DIXDC1: variants seen among roughly 807,000 people sequenced by gnomAD.
The protein encoded by DIXDC1 is dixin.
A neutral mutation model predicts 103.1 loss-of-function variants in DIXDC1; 64 were observed. That is an observed-to-expected ratio of 0.62 (90% CI 0.51 to 0.76). The LOEUF is 0.76. Ranked by LOEUF, DIXDC1 falls within the 30% of genes least tolerant of loss-of-function variation. The pLI is 0.00. For synonymous variants in DIXDC1, 266 were observed against 298.5 expected (o/e 0.89, Z 1.12); for missense variants, 759 against 834.2 (o/e 0.91, Z 1.11).
chr11:111,966,914 C>T (rs1859759011), intron 2 of DIXDC1, among the ~76,000 whole-genome samples: 1 of 152,204 alleles, frequency 6.6e-6, no homozygotes, highest in East Asian at 1.9e-4. Context: ...TTATCAAATC[C>T]AGTGGCCAGG....
intron 6 of DIXDC1, among the ~76,000 whole-genome samples, chr11:111,981,068 G>A (rs1555173199): frequency 6.6e-6 from 1 of 150,390 alleles, no homozygotes; most frequent in Non-Finnish European, 1.5e-5. Context: ...TCTTGCAGCA[G>A]CATAGATAGG....
chr11:111,977,612 C>T lies in DIXDC1; in HGVS notation c.656+2629C>T. On this transcript the variant is annotated intron_variant, in intron 5 of 19. Coordinates refer to ENST00000440460, the MANE Select transcript of DIXDC1 (RefSeq NM_001037954.4). The surrounding 1 kb of genome is among the most constrained non-coding windows in gnomAD (Gnocchi z 6.1). ...CGCCGCCGCCGTTCCCGCTTTCTCC[C>T]GCGAGCCGGGCCAGTAGCTTTGCTA... The T allele has an allele frequency of 6.6e-7, 1 of 1,521,224 alleles. No individual in the cohort carries two copies. The highest frequency in any genetic ancestry group is 8.8e-7 in the Non-Finnish European group (1 of 1,134,174). 94.2% of individuals were successfully genotyped at this position (1,521,224 alleles called of 1,614,324 possible). A position where few individuals can be genotyped will look rare whatever the true frequency, so the allele number is the denominator to read the frequency against.
At chr11:111,948,155 C>T (rs587696652) in intron 1 of DIXDC1, among the ~76,000 whole-genome samples, 8 of 152,246 alleles carry the variant, frequency 5.3e-5, no homozygotes, top group Admixed American at 5.2e-4. Context: ...ATGATTGTCC[C>T]CCTCCATGCC....
At chr11:111,939,889 A>G (rs1555168634) in intron 1 of DIXDC1, among the ~76,000 whole-genome samples, 1 of 152,206 alleles carries the variant, frequency 6.6e-6, no homozygotes, top group Non-Finnish European at 1.5e-5. Context: ...GTGTCAGAAT[A>G]CGCTTTAATT....
Position 111,992,539 on chromosome 11 carries a change from C to T in DIXDC1, c.1218+20C>T, listed in dbSNP as rs1555174670. ...CAGAATGTGAGTTAAATGAATGAGC[C>T]TTGACCTCAGTGAGCCCCATTAGCA... On this transcript the variant is annotated intron_variant, in intron 11 of 19. Coordinates refer to ENST00000440460, the MANE Select transcript of DIXDC1 (RefSeq NM_001037954.4). The T allele has an allele frequency of 1.9e-6, 3 of 1,550,194 alleles. No individual in the cohort carries two copies. Among genetic ancestry groups the T allele is most frequent in the East Asian group, 4.9e-5 (2 of 41,180 alleles).
intron 1 of DIXDC1, among the ~76,000 whole-genome samples, chr11:111,953,471 T>C (rs1966850025): frequency 6.6e-6 from 1 of 152,126 alleles, no homozygotes; most frequent in Admixed American, 6.6e-5. Flanking sequence ...ACCCCGTCTC[T>C]ACTAAAAATA....
upstream of DIXDC1, among the ~76,000 whole-genome samples, chr11:111,936,216 C>T (rs980553773): frequency 2.6e-5 from 4 of 152,228 alleles, no homozygotes; most frequent in African/African-American, 9.7e-5. Flanking sequence ...TCTGTAAACC[C>T]TTCCTCTCCA....
At chr11:112,015,274 A>G (rs1371231975) in intron 17 of DIXDC1, 1 of 152,228 alleles carries the variant, frequency 6.6e-6, no homozygotes, top group Non-Finnish European at 1.5e-5. Flanking sequence ...TTTCCCCTCT[A>G]TTAATTCATC....
At position 111,977,426 on chromosome 11, in the gene DIXDC1, C is replaced by G; in HGVS notation, c.656+2443C>G. 7 of 1,200,760 alleles carry G rather than the reference C, an allele frequency of 5.8e-6. No individual in the cohort carries two copies. The South Asian group carries it at 1.4e-4, about 24-fold the overall frequency. The allele number at this position is 1,200,760 out of a possible 1,614,324, so 74.4% of individuals were successfully genotyped here. A position where few individuals can be genotyped will look rare whatever the true frequency, so the allele number is the denominator to read the frequency against. ...AGATGCCCCCGCCAGGGGGGATGCC[C>G]GGCACCGTGCGTCCGCGGAGGCCAA... is the stretch of plus-strand genomic sequence containing the variant. On this transcript the variant is annotated intron_variant, in intron 5 of 19. Coordinates refer to ENST00000440460, the MANE Select transcript of DIXDC1 (RefSeq NM_001037954.4). This position sits in a 1 kb window ranked among gnomAD's most constrained non-coding sequence, Gnocchi z 6.1.
chr11:112,013,321 T>TGGGGG (rs1403269609), intron 17 of DIXDC1, among the ~76,000 whole-genome samples: 18 of 35,720 alleles, frequency 5.0e-4, no homozygotes, highest in East Asian at 1.5e-3. Context: ...GGTCGGGGGG[T>TGGGGG]GGGGGTGGGG....
chr11:111,958,928 A>C lies in DIXDC1; in HGVS notation c.61-5621A>C, dbSNP rs1265184934. ...TGAATGGTGAGCAGATGATGGGAAA[A>C]CCAGCCAAGGAGAAGAGCTACCCAC... On this transcript the variant is annotated intron_variant, in intron 1 of 19. Transcript: ENST00000440460. The surrounding 1 kb of genome is among the most constrained non-coding windows in gnomAD (Gnocchi z 4.2). 6.6e-6 allele frequency among the ~76,000 whole-genome samples: 1 copy of C among 151,656 alleles called. No individual in the cohort carries two copies. Among genetic ancestry groups the C allele is most frequent in the African/African-American group, 2.4e-5 (1 of 41,292 alleles).
chr11:111,992,397 G>A lies in DIXDC1; in HGVS notation c.1114-18G>A. 6.4e-7 allele frequency: 1 copy of A among 1,553,718 alleles called. No individual in the cohort carries two copies. Among genetic ancestry groups the A allele is most frequent in the Non-Finnish European group, 8.7e-7 (1 of 1,146,008 alleles). Reference sequence around the variant, plus strand: ...TGATGAACTGAGACAACAATAATTAGTATGCTTTTTCCCCTAGGATGCCTT... The same window carrying A: ...TGATGAACTGAGACAACAATAATTAATATGCTTTTTCCCCTAGGATGCCTT... On this transcript the variant is annotated intron_variant, in intron 10 of 19. Transcript: ENST00000440460.
At chr11:111,939,936 C>A (rs1966363272) in intron 1 of DIXDC1, among the ~76,000 whole-genome samples, 1 of 152,238 alleles carries the variant, frequency 6.6e-6, no homozygotes, top group Non-Finnish European at 1.5e-5. Context: ...AAATACCACA[C>A]ATGTATCCAG....
intron 1 of DIXDC1, among the ~76,000 whole-genome samples, chr11:111,954,457 C>G (rs1356283552): frequency 6.6e-6 from 1 of 152,128 alleles, no homozygotes; most frequent in East Asian, 1.9e-4. Context: ...GATGCCTGTC[C>G]TAAACTATTA....
At chr11:112,016,471 T>C (rs1861593296) in intron 17 of DIXDC1, among the ~76,000 whole-genome samples, 2 of 152,198 alleles carry the variant, frequency 1.3e-5, no homozygotes, top group South Asian at 4.1e-4. Context: ...CTACTATGAG[T>C]GAGGAGTGAT....
chr11:111,994,243 C>T (rs1860803326), intron 14 of DIXDC1, among the ~76,000 whole-genome samples: 1 of 152,034 alleles, frequency 6.6e-6, no homozygotes, highest in Non-Finnish European at 1.5e-5. Context: ...CAAAAATTAG[C>T]CAGGCGTGGT....
chr11:111,939,022 T>C (rs1266001869), intron 1 of DIXDC1, among the ~76,000 whole-genome samples: 1 of 152,234 alleles, frequency 6.6e-6, no homozygotes, highest in East Asian at 1.9e-4. Flanking sequence ...GTTCCTCTTT[T>C]CTCACTCTCT....
At position 111,974,179 on chromosome 11, in the gene DIXDC1, G is replaced by A; in HGVS notation, c.473G>A (p.Gly158Glu). ...CACTGTGCCACTGCTGTTGCCCAGG[G>A]AGCAGCTGCTGCTCTGGCCGATGTG... ...RPHCATAVAQ[G>E]AAAALADVCH... Residue 158 changes from glycine (G) to glutamate (E), a missense_variant, in exon 4 of 20, where the codon GGA becomes GAA. This residue lies in a region of DIXDC1 where 657 missense variants were observed against 727.5 expected (regional missense o/e 0.90). Coordinates refer to ENST00000440460, the MANE Select transcript of DIXDC1 (RefSeq NM_001037954.4). The A allele has an allele frequency of 6.2e-7, 1 of 1,614,006 alleles. No homozygotes were observed. Among genetic ancestry groups the A allele is most frequent in the East Asian group, 2.2e-5 (1 of 44,884 alleles).
chr11:111,980,586 T>C, intron 5 of DIXDC1, 151 bp from the exon 6 acceptor site: 1 of 555,334 alleles, frequency 1.8e-6, no homozygotes, highest in Non-Finnish European at 3.2e-6. Context: ...ATTAAATAAA[T>C]ATTTTATTTT....
Sources: allele counts gnomAD v4.1 joint callset (sites outside exome capture counted in the v4.1 genomes callset), GRCh38; gene constraint gnomAD v4.1.1; regional missense constraint gnomAD v4.1.1; non-coding constraint Gnocchi (gnomAD v3.1); transcripts MANE v1.5; gene names NCBI Gene and HGNC (gene_info 2026-07-23, HGNC 2026-07-21).